CHRM5: variants seen among roughly 807,000 people sequenced by gnomAD.
The protein encoded by CHRM5 is cholinergic receptor muscarinic 5.
CHRM5 carries 18 observed loss-of-function variants against 39.0 expected under a neutral mutation model. That is an observed-to-expected ratio of 0.46 (90% CI 0.32 to 0.68). The LOEUF is 0.68. CHRM5 is among the 30% of genes least tolerant of loss of function. The probability of loss-of-function intolerance (pLI) is 0.04; values close to 1 mark genes in which losing one functional copy is unlikely to be tolerated. For missense variants in CHRM5, 515 were observed against 651.1 expected, an observed-to-expected ratio of 0.79 and a Z score of 2.28; for synonymous variants, 241 against 246.3, an observed-to-expected ratio of 0.98 and a Z score of 0.20.
chr15:33,986,801 C>A (rs1896494097), intron 1 of CHRM5, among the ~76,000 whole-genome samples: 2 of 151,500 alleles, frequency 1.3e-5, no homozygotes, highest in African/African-American at 4.8e-5. Context: ...GGACTACAGG[C>A]ACGTGCCACC....
chr15:34,054,965 G>A, intron 2 of CHRM5, among the ~76,000 whole-genome samples: 1 of 152,324 alleles, frequency 6.6e-6, no homozygotes, highest in African/African-American at 2.4e-5. Context: ...GGCCAAGGCA[G>A]GCAGATCACC....
Position 34,062,749 on chromosome 15 carries a change from C to A in CHRM5, c.32C>A (p.Thr11Asn), listed in dbSNP as rs1303811935. ...GGGGATTCTTACCACAATGCAACCA[C>A]CGTCAATGGCACCCCAGTAAATCAC... MEGDSYHNAT[T>N]VNGTPVNHQP... The change falls in exon 3 of 3, where the codon ACC becomes AAC. Residue 11 changes from threonine to asparagine, a missense_variant. By Grantham distance (65) the Thr-to-Asn change is moderately conservative. Coordinates refer to ENST00000383263, the MANE Select transcript of CHRM5 (RefSeq NM_012125.4). 6.2e-7 allele frequency: 1 copy of A among 1,613,208 alleles called. No homozygotes were observed. The highest frequency in any genetic ancestry group is 1.1e-5 in the South Asian group (1 of 90,946).
At chr15:34,030,369 G>T (rs547711498) in intron 1 of CHRM5, among the ~76,000 whole-genome samples, 1 of 152,186 alleles carries the variant, frequency 6.6e-6, no homozygotes, top group South Asian at 2.1e-4. Context: ...TGTTTGAGAC[G>T]GAGTCTTGCT....
chr15:34,028,616 A>ATG lies in CHRM5; in HGVS notation c.-407-17924_-407-17923insTG, dbSNP rs1486688203. ...AAGAAGACCCTGAATGAGAGAGGAC[A>ATG]GCAAAGTGGCAAAGTGACTATAAAT... On this transcript the variant is annotated intron_variant, in intron 1 of 2. Transcript: ENST00000383263. 2.7e-3 allele frequency among the ~76,000 whole-genome samples: 410 copies of ATG among 152,340 alleles called. 1 individual carries two copies. The highest frequency in any genetic ancestry group is 7.2e-3 in the Admixed American group (110 of 15,292).
intron 1 of CHRM5, among the ~76,000 whole-genome samples, chr15:34,015,209 C>T (rs577342727): frequency 2.0e-5 from 3 of 152,126 alleles, no homozygotes; most frequent in Non-Finnish European, 4.4e-5. Context: ...ATAGGCCGGG[C>T]GCAGTGGCTC....
In CHRM5 at chr15:34,019,711, G is replaced by A. The variant is rs537570524; in HGVS notation, c.-407-26829G>A. Among the ~76,000 whole-genome samples the A allele has an allele frequency of 5.6e-4, 85 of 152,282 alleles. 1 individual carries two copies. The highest frequency in any genetic ancestry group is 1.9e-3 in the African/African-American group (79 of 41,554). On this transcript the variant is annotated intron_variant, in intron 1 of 2. Transcript: ENST00000383263. ...ATAACTGTCTACAGTATCCAGTACCGTAACATGCTGTACAGGTTTGTAGCC... is the reference window on the plus strand; with the variant it reads ...ATAACTGTCTACAGTATCCAGTACCATAACATGCTGTACAGGTTTGTAGCC...
chr15:34,004,723 T>C (rs1897269595), intron 1 of CHRM5, among the ~76,000 whole-genome samples: 1 of 152,202 alleles, frequency 6.6e-6, no homozygotes, highest in Non-Finnish European at 1.5e-5. Flanking sequence ...AAATATACTA[T>C]ACTTAATTGG....
At chr15:33,978,271 A>C (rs1319663155) in intron 1 of CHRM5, among the ~76,000 whole-genome samples, 1 of 152,214 alleles carries the variant, frequency 6.6e-6, no homozygotes, top group East Asian at 1.9e-4. Context: ...GTGGTACTAG[A>C]CTACAGCAAA....
chr15:34,042,980 G>A (rs1938522590), intron 1 of CHRM5, among the ~76,000 whole-genome samples: 1 of 151,838 alleles, frequency 6.6e-6, no homozygotes, highest in Admixed American at 6.6e-5. Context: ...AGGCGCGGTG[G>A]CTCACGCCTG....
At chr15:33,985,270 T>C (rs1468721994) in intron 1 of CHRM5, among the ~76,000 whole-genome samples, 4 of 146,486 alleles carry the variant, frequency 2.7e-5, no homozygotes, top group Non-Finnish European at 6.0e-5. Flanking sequence ...TCAAACTTCA[T>C]GTTAATTTTT....
chr15:34,019,184 T>G (rs1178200927), intron 1 of CHRM5, among the ~76,000 whole-genome samples: 1 of 152,236 alleles, frequency 6.6e-6, no homozygotes, highest in Non-Finnish European at 1.5e-5. Flanking sequence ...GCTTCACCGC[T>G]TACTATTGAT....
chr15:34,028,954 T>C (rs771559495), intron 1 of CHRM5, among the ~76,000 whole-genome samples: 2 of 152,198 alleles, frequency 1.3e-5, no homozygotes, highest in Non-Finnish European at 2.9e-5. Context: ...TACTTGGTTT[T>C]GAGAGGTTAT....
intron 1 of CHRM5, chr15:34,039,064 T>C: frequency 1.1e-5 from 12 of 1,092,092 alleles, no homozygotes; most frequent in Non-Finnish European, 1.3e-5. Flanking sequence ...CCGCTGGCGG[T>C]GCTGAGCGCG....
intron 1 of CHRM5, among the ~76,000 whole-genome samples, chr15:34,045,738 C>T (rs954788026): frequency 4.6e-4 from 3 of 6,542 alleles, no homozygotes; most frequent in South Asian, 0.25. Flanking sequence ...GAAGGCCTAA[C>T]CTCACTTAGG....
Position 34,053,315 on chromosome 15 carries a change from AAAAAATATATATAT to A in CHRM5, c.-76+6446_-76+6459del, listed in dbSNP as rs1241621392. On this transcript the variant is annotated intron_variant, in intron 2 of 2. Coordinates refer to ENST00000383263, the MANE Select transcript of CHRM5 (RefSeq NM_012125.4). ...ACTCCATCTCAAAAAAAAAAAAAAA[AAAAAATATATATAT>A]ATATATATATATATGGAACTGAAAA... Among the ~76,000 whole-genome samples the A allele has an allele frequency of 1.0e-4, 9 of 87,344 alleles. No individual in the cohort carries two copies. In the Admixed American group the frequency reaches 1.2e-3, roughly 11 times the overall value. 57.3% of individuals were successfully genotyped at this position (87,344 alleles called of 152,430 possible). A position where few individuals can be genotyped will look rare whatever the true frequency, so the allele number is the denominator to read the frequency against.
Position 34,016,094 on chromosome 15 carries a change from T to C in CHRM5, c.-407-30446T>C, listed in dbSNP as rs183817929. ...GAGTTCGAGACCAGCCTGACCAACA[T>C]GGAGAAACCCCGTCTCTACTAAAAA... On this transcript the variant is annotated intron_variant, in intron 1 of 2. Transcript: ENST00000383263. Among the ~76,000 whole-genome samples, 128 of 152,244 alleles carry C rather than the reference T, an allele frequency of 8.4e-4. 1 individual carries two copies. Among genetic ancestry groups the C allele is most frequent in the African/African-American group, 3.0e-3 (123 of 41,548 alleles).
intron 1 of CHRM5, among the ~76,000 whole-genome samples, chr15:34,008,416 T>A (rs1300194844): frequency 1.3e-5 from 2 of 148,790 alleles, no homozygotes; most frequent in African/African-American, 2.5e-5. Context: ...CAAGACCGTG[T>A]CTCTTAAAAA....
At chr15:34,019,406 A>G (rs1898107019) in intron 1 of CHRM5, among the ~76,000 whole-genome samples, 1 of 152,244 alleles carries the variant, frequency 6.6e-6, no homozygotes, top group Middle Eastern at 3.2e-3. Context: ...TTTATAAAGT[A>G]AGAAAATTAC....
At chr15:34,040,325 G>T (rs1157177351) in intron 1 of CHRM5, among the ~76,000 whole-genome samples, 1 of 152,104 alleles carries the variant, frequency 6.6e-6, no homozygotes, top group Admixed American at 6.6e-5. Flanking sequence ...ATATTTAAAC[G>T]GGTTACCCAA....
Sources: gnomAD v4.1 joint callset for allele counts (sites outside exome capture counted in the v4.1 genomes callset) on GRCh38, gnomAD v4.1.1 for gene constraint, MANE v1.5 for transcripts, NCBI Gene and HGNC (gene_info 2026-07-23, HGNC 2026-07-21) for gene names.